ITGA9: variants seen among roughly 807,000 people sequenced by gnomAD.
The protein encoded by ITGA9 is integrin subunit alpha 9, also known as integrin alpha-9.
A neutral mutation model predicts 127.8 loss-of-function variants in ITGA9; 56 were observed. That is an observed-to-expected ratio of 0.44 (90% CI 0.35 to 0.55). ITGA9 has a LOEUF of 0.55. Ranked by LOEUF, ITGA9 falls within the 20% of genes least tolerant of loss-of-function variation. The pLI, the probability that ITGA9 is intolerant of heterozygous loss-of-function variation, is 0.00. For missense variants in ITGA9, 1,196 were observed against 1,347.1 expected, an observed-to-expected ratio of 0.89 and a Z score of 1.76; for synonymous variants, 508 against 514.5, an observed-to-expected ratio of 0.99 and a Z score of 0.17.
chr3:37,814,489 C>T lies in ITGA9; in HGVS notation c.3010-4402C>T, dbSNP rs1697405774. Among the ~76,000 whole-genome samples the T allele has an allele frequency of 1.3e-5, 2 of 152,218 alleles. No individual in the cohort carries two copies. The highest frequency in any genetic ancestry group is 4.8e-5 in the African/African-American group (2 of 41,512). On this transcript the variant is annotated intron_variant, in intron 27 of 27. Transcript: ENST00000264741. This position sits in a 1 kb window ranked among gnomAD's most constrained non-coding sequence, Gnocchi z 4.3. ...CTGAGGCAGGAGAATCGCTTGAACC[C>T]GAGAGGTGGAGGTTGCAGTGAGCCA...
chr3:37,456,186 A>G (rs1310519070), intron 1 of ITGA9, among the ~76,000 whole-genome samples: 2 of 152,144 alleles, frequency 1.3e-5, no homozygotes, highest in Non-Finnish European at 2.9e-5. Flanking sequence ...CCATGGCTAG[A>G]TGGACCAGAA....
At chr3:37,563,496 C>T (rs1158889731) in intron 15 of ITGA9, among the ~76,000 whole-genome samples, 4 of 152,300 alleles carry the variant, frequency 2.6e-5, no homozygotes, top group East Asian at 3.9e-4. Context: ...CAAAGGTGTC[C>T]GTGGGTGGAT....
At chr3:37,772,804 C>T (rs755362180) in intron 23 of ITGA9, among the ~76,000 whole-genome samples, 5 of 152,182 alleles carry the variant, frequency 3.3e-5, no homozygotes, top group African/African-American at 9.6e-5. Flanking sequence ...GTCGGGAGCA[C>T]AACTGGCCAA....
intron 18 of ITGA9, among the ~76,000 whole-genome samples, chr3:37,703,259 T>G (rs747508446): frequency 6.6e-6 from 1 of 152,228 alleles, no homozygotes; most frequent in African/African-American, 2.4e-5. Flanking sequence ...TTGGATTCTC[T>G]TATCTGTGCA....
chr3:37,512,120 C>CCTTCT lies in ITGA9; in HGVS notation c.898-1643_898-1642insCTTCT, dbSNP rs1698929069. On this transcript the variant is annotated intron_variant, in intron 8 of 27. Coordinates refer to ENST00000264741, the MANE Select transcript of ITGA9 (RefSeq NM_002207.3). ...TCCTTCCTTCCTTCCTTCCTTCCTT[C>CCTTCT]TTTCTTTTCTTTTCTTTTCTTTTCT... Among the ~76,000 whole-genome samples the CCTTCT allele has an allele frequency of 9.9e-4, 39 of 39,456 alleles. 1 individual carries two copies. Among genetic ancestry groups the CCTTCT allele is most frequent in the South Asian group, 2.7e-3 (3 of 1,130 alleles). The allele number at this position is 39,456 out of a possible 152,430, so 25.9% of individuals were successfully genotyped here. A position where few individuals can be genotyped will look rare whatever the true frequency, so the allele number is the denominator to read the frequency against.
intron 15 of ITGA9, among the ~76,000 whole-genome samples, chr3:37,575,614 A>G (rs1414179833): frequency 6.6e-6 from 1 of 152,144 alleles, no homozygotes; most frequent in Non-Finnish European, 1.5e-5. Flanking sequence ...ATAAGCAGAG[A>G]GCACCAAGAC....
chr3:37,568,934 AT>A (rs1699574782), intron 15 of ITGA9, among the ~76,000 whole-genome samples: 1 of 152,076 alleles, frequency 6.6e-6, no homozygotes, highest in Admixed American at 6.5e-5. Context: ...TCGCTTCCAC[AT>A]TTTCAGATAT....
intron 15 of ITGA9, among the ~76,000 whole-genome samples, chr3:37,608,722 T>C (rs1436720615): frequency 6.6e-6 from 1 of 152,220 alleles, no homozygotes; most frequent in Non-Finnish European, 1.5e-5. Context: ...AATACTGTTT[T>C]ATATTGTAAG....
chr3:37,672,189 T>C (rs1477740352), intron 17 of ITGA9, among the ~76,000 whole-genome samples: 1 of 152,132 alleles, frequency 6.6e-6, no homozygotes, highest in Non-Finnish European at 1.5e-5. Flanking sequence ...GGTGCCAAGG[T>C]AGGGCAGTGA....
intron 8 of ITGA9, 103 bp from the exon 9 acceptor site, chr3:37,513,660 C>A: frequency 2.4e-6 from 3 of 1,239,840 alleles, no homozygotes; most frequent in Non-Finnish European, 3.4e-6. Context: ...TTGTTCAATT[C>A]CTCTGAGGGA....
chr3:37,750,567 G>T lies in ITGA9; in HGVS notation c.2539G>T (p.Val847Leu), dbSNP rs758539896. 1.3e-6 allele frequency: 2 copies of T among 1,597,692 alleles called. No individual in the cohort carries two copies. Among genetic ancestry groups the T allele is most frequent in the Non-Finnish European group, 1.7e-6 (2 of 1,165,100 alleles). Residue 847 changes from valine to leucine, a missense_variant and splice_region_variant, in exon 23 of 28, where the codon GTG (valine) becomes TTG (leucine). Coordinates refer to ENST00000264741, the MANE Select transcript of ITGA9 (RefSeq NM_002207.3). ...AGAGATGTTTCATGTCCAGGAAATGGTGGTGAGTTCTCCATTTGTTTTCAC... is the reference window on the plus strand; with the variant it reads ...AGAGATGTTTCATGTCCAGGAAATGTTGGTGAGTTCTCCATTTGTTTTCAC... ...GAEMFHVQEM[V>L]VGQEKGNCSF...
At chr3:37,618,070 G>A (rs1166128466) in intron 15 of ITGA9, among the ~76,000 whole-genome samples, 1 of 152,170 alleles carries the variant, frequency 6.6e-6, no homozygotes, top group Non-Finnish European at 1.5e-5. Flanking sequence ...TTTCTGCTCT[G>A]TTTTTTCCCC....
chr3:37,810,875 G>A (rs892220232), intron 27 of ITGA9, among the ~76,000 whole-genome samples: 5 of 152,214 alleles, frequency 3.3e-5, no homozygotes, highest in African/African-American at 1.2e-4. Context: ...AGCCCTTATC[G>A]TGTCAGCAAG....
intron 18 of ITGA9, among the ~76,000 whole-genome samples, chr3:37,710,295 G>A (rs996291789): frequency 2.0e-5 from 3 of 152,128 alleles, no homozygotes; most frequent in Non-Finnish European, 2.9e-5. Context: ...ACCCTCGTCC[G>A]TCTAATGGCA....
At chr3:37,576,395 T>C (rs1299680289) in intron 15 of ITGA9, among the ~76,000 whole-genome samples, 1 of 152,234 alleles carries the variant, frequency 6.6e-6, no homozygotes, top group Non-Finnish European at 1.5e-5. Flanking sequence ...TTTTGATTAA[T>C]AATTTATATG....
intron 18 of ITGA9, among the ~76,000 whole-genome samples, chr3:37,697,166 C>T (rs920595383): frequency 3.3e-5 from 5 of 152,124 alleles, no homozygotes; most frequent in Admixed American, 6.5e-5. Context: ...GCTAGAGACT[C>T]GATTGTACTC....
At chr3:37,541,910 C>G (rs531412721) in intron 14 of ITGA9, among the ~76,000 whole-genome samples, 1 of 152,222 alleles carries the variant, frequency 6.6e-6, no homozygotes, top group Non-Finnish European at 1.5e-5. Context: ...GGTCCATGTA[C>G]TGATTATAGA....
At chr3:37,772,801 G>A (rs979534867) in intron 23 of ITGA9, among the ~76,000 whole-genome samples, 2 of 152,160 alleles carry the variant, frequency 1.3e-5, no homozygotes, top group African/African-American at 4.8e-5. Context: ...ACAGTCGGGA[G>A]CACAACTGGC....
intron 23 of ITGA9, among the ~76,000 whole-genome samples, chr3:37,763,845 A>AT (rs897305657): frequency 3.3e-5 from 5 of 151,892 alleles, no homozygotes; most frequent in South Asian, 2.1e-4. Flanking sequence ...TTCACCCTCA[A>AT]TTTTTTTTGT....
Sources: allele counts gnomAD v4.1 joint callset (sites outside exome capture counted in the v4.1 genomes callset), GRCh38; gene constraint gnomAD v4.1.1; non-coding constraint Gnocchi (gnomAD v3.1); transcripts MANE v1.5; gene names NCBI Gene and HGNC (gene_info 2026-07-23, HGNC 2026-07-21).